The following PCLO variants were observed in gnomAD, a reference collection of about 807,000 sequenced individuals.
PCLO encodes the protein piccolo presynaptic cytomatrix protein.
PCLO carries 82 observed loss-of-function variants against 427.5 expected under a neutral mutation model. That is an observed-to-expected ratio of 0.19 (90% CI 0.16 to 0.23). The LOEUF is 0.23. Among genes scored for constraint, PCLO ranks in the 10% least tolerant of loss-of-function variants. PCLO has a pLI of 1.00. For synonymous variants in PCLO, 2,357 were observed against 2,155.4 expected (o/e 1.09, Z -2.59); for missense variants, 6,239 against 6,115.9 (o/e 1.02, Z -0.67).
chr7:82,960,578 T>G (rs1270864225), intron 4 of PCLO, among the ~76,000 whole-genome samples: 1 of 152,182 alleles, frequency 6.6e-6, no homozygotes, highest in Non-Finnish European at 1.5e-5. Flanking sequence ...AGTAAAAAGA[T>G]AAAATTCTAT....
intron 10 of PCLO, among the ~76,000 whole-genome samples, chr7:82,874,600 A>C (rs756637325): frequency 2.0e-5 from 3 of 152,200 alleles, no homozygotes; most frequent in African/African-American, 7.2e-5. Context: ...CTAAAATTGT[A>C]ATCAGTAGGT....
At chr7:82,926,261 G>A (rs986809242) in intron 6 of PCLO, among the ~76,000 whole-genome samples, 1 of 152,090 alleles carries the variant, frequency 6.6e-6, no homozygotes, top group Non-Finnish European at 1.5e-5. Context: ...ATAAGTAGCA[G>A]TATCATCACT....
intron 3 of PCLO, among the ~76,000 whole-genome samples, chr7:83,069,337 T>G (rs530122697): frequency 6.6e-6 from 1 of 152,224 alleles, no homozygotes; most frequent in African/African-American, 2.4e-5. Context: ...TTGAAAAAAA[T>G]CCACTCATAA....
At position 82,824,361 on chromosome 7, in the gene PCLO, G is replaced by A. The variant is rs1437232168; in HGVS notation, c.14471C>T (p.Pro4824Leu). 1 of 1,612,612 alleles carries A rather than the reference G, an allele frequency of 6.2e-7. No homozygotes were observed. Among genetic ancestry groups the A allele is most frequent in the Non-Finnish European group, 8.5e-7 (1 of 1,179,154 alleles). The change falls in exon 19 of 25, where the codon CCT becomes CTT. Residue 4824 changes from proline (P) to leucine (L), a missense_variant. Pro to Leu is a moderately conservative substitution (Grantham distance 98). Around this residue, in one of 5 missense-constraint regions of PCLO, gnomAD observed 877 missense variants for 925.5 expected, o/e 0.95. Transcript: ENST00000333891. Reference protein sequence around the residue: ...SHLDNTPRWYPLKEQTESIDH... With the variant: ...SHLDNTPRWYLLKEQTESIDH... ...AATGCTTTCAGTCTGTTCTTTGAGA[G>A]GATACCACCTTGGAGTGTTATCGAG...
At chr7:83,088,790 C>T (rs1790303380) in intron 3 of PCLO, among the ~76,000 whole-genome samples, 1 of 152,084 alleles carries the variant, frequency 6.6e-6, no homozygotes, top group Non-Finnish European at 1.5e-5. Context: ...TTGTGATGTC[C>T]TTACCACAGA....
chr7:82,821,827 T>C, intron 20 of PCLO: 2 of 981,894 alleles, frequency 2.0e-6, no homozygotes, highest in Non-Finnish European at 2.4e-6. Context: ...TGCTTATACA[T>C]ATATTAATTT....
chr7:82,779,676 C>A (rs1442487899), intron 22 of PCLO, among the ~76,000 whole-genome samples: 1 of 151,458 alleles, frequency 6.6e-6, no homozygotes, highest in Non-Finnish European at 1.5e-5. Context: ...AGGTTTACCA[C>A]CTCAATATTG....
At chr7:83,055,858 C>T (rs920554868) in intron 3 of PCLO, among the ~76,000 whole-genome samples, 14 of 151,968 alleles carry the variant, frequency 9.2e-5, no homozygotes, top group African/African-American at 3.4e-4. Flanking sequence ...TCTAAAAATG[C>T]TATTATTCTT....
intron 14 of PCLO, among the ~76,000 whole-genome samples, chr7:82,840,841 T>C (rs1005348189): frequency 1.3e-5 from 2 of 152,106 alleles, no homozygotes; most frequent in East Asian, 3.9e-4. Flanking sequence ...AAATTACTTC[T>C]TGGTATCACC....
At chr7:82,841,808 T>G (rs753793614) in intron 13 of PCLO, among the ~76,000 whole-genome samples, 19 of 152,098 alleles carry the variant, frequency 1.2e-4, no homozygotes, top group Non-Finnish European at 2.6e-4. Context: ...AAGCACTTAA[T>G]TAAAGTATCT....
At chr7:82,883,844 C>G (rs980951586) in intron 9 of PCLO, among the ~76,000 whole-genome samples, 7 of 152,146 alleles carry the variant, frequency 4.6e-5, no homozygotes, top group African/African-American at 1.4e-4. Flanking sequence ...GATCTTGGCC[C>G]ACTGCAACCT....
In PCLO at chr7:82,824,574, A is replaced by G. The variant is rs149894834; in HGVS notation, c.14416-158T>C. On this transcript the variant is annotated intron_variant, in intron 18 of 24. Transcript: ENST00000333891. Reference sequence around the variant, plus strand: ...CTTTCTTCCTCAGTTTTCTTCACCAATGATACTGGAAACAATGTCTTTTAC... The same window carrying G: ...CTTTCTTCCTCAGTTTTCTTCACCAGTGATACTGGAAACAATGTCTTTTAC... Among the ~76,000 whole-genome samples the G allele has an allele frequency of 6.2e-4, 92 of 149,410 alleles. 1 individual carries two copies. The highest frequency in any genetic ancestry group is 5.2e-3 in the South Asian group (24 of 4,600).
intron 6 of PCLO, among the ~76,000 whole-genome samples, chr7:82,931,643 A>G (rs1260236121): frequency 6.6e-6 from 1 of 152,046 alleles, no homozygotes; most frequent in Admixed American, 6.6e-5. Context: ...GTTACTTTCT[A>G]TGTGGACCTT....
chr7:82,783,216 C>T (rs910314247), intron 22 of PCLO, among the ~76,000 whole-genome samples: 1 of 152,300 alleles, frequency 6.6e-6, no homozygotes, highest in South Asian at 2.1e-4. Flanking sequence ...AGTATGGCCA[C>T]CAGTAAACAT....
Position 82,954,865 on chromosome 7 carries a change from C to A in PCLO, c.6088G>T (p.Val2030Phe). The change falls in exon 5 of 25, where the codon GTT becomes TTT. Residue 2030 changes from valine (V) to phenylalanine (F), a missense_variant. Val to Phe is a conservative substitution (Grantham distance 50, BLOSUM62 -1). This residue lies in a region of PCLO where 4,677 missense variants were observed against 4,468.4 expected (regional missense o/e 1.05). Transcript: ENST00000333891. ...TCTGGGATGATAAAAGAGCTTGAAACAATATCTTCCTGAGGCACAACAGAA... is the reference window on the plus strand; with the variant it reads ...TCTGGGATGATAAAAGAGCTTGAAAAAATATCTTCCTGAGGCACAACAGAA... Reference protein sequence around the residue: ...LHSVVPQEDIVSSSFIIPESH... With the variant: ...LHSVVPQEDIFSSSFIIPESH... The A allele has an allele frequency of 6.2e-7, 1 of 1,613,920 alleles. No homozygotes were observed. The highest frequency in any genetic ancestry group is 8.5e-7 in the Non-Finnish European group (1 of 1,179,854).
At chr7:82,811,380 C>G (rs1022255082) in intron 20 of PCLO, among the ~76,000 whole-genome samples, 1 of 151,384 alleles carries the variant, frequency 6.6e-6, no homozygotes, top group African/African-American at 2.4e-5. Flanking sequence ...TTCTTCCCTC[C>G]TCCTGTCTCT....
intron 6 of PCLO, among the ~76,000 whole-genome samples, chr7:82,924,782 C>T (rs1421258427): frequency 6.6e-6 from 1 of 151,778 alleles, no homozygotes; most frequent in South Asian, 2.1e-4. Flanking sequence ...ATTCAAGAAA[C>T]TCCTACTATC....
At chr7:83,030,129 AAAAAAG>A (rs1158238649) in intron 3 of PCLO, among the ~76,000 whole-genome samples, 5 of 145,580 alleles carry the variant, frequency 3.4e-5, no homozygotes, top group East Asian at 2.0e-4. Flanking sequence ...GAAAAAAAAA[AAAAAAG>A]AAAAGAAAAG....
rs1373685523 is a variant in PCLO, at chr7:82,954,695, G to A, written c.6258C>T (p.Pro2086=). The A allele has an allele frequency of 6.2e-7, 1 of 1,613,816 alleles. No homozygotes were observed. Among genetic ancestry groups the A allele is most frequent in the Non-Finnish European group, 8.5e-7 (1 of 1,179,802 alleles). Residue 2086 remains proline, a synonymous_variant, in exon 5 of 25, where the codon CCC becomes CCT. Coordinates refer to ENST00000333891, the MANE Select transcript of PCLO (RefSeq NM_033026.6). ...LTPGSSPTQA[P]IGEDMTESTM... ...TGGACTCTGTCATATCCTCACCAAT[G>A]GGGGCCTGGGTTGGGCTAGATCCAG...
Sources: allele counts gnomAD v4.1 joint callset (sites outside exome capture counted in the v4.1 genomes callset), GRCh38; gene constraint gnomAD v4.1.1; regional missense constraint gnomAD v4.1.1; transcripts MANE v1.5; gene names NCBI Gene and HGNC (gene_info 2026-07-23, HGNC 2026-07-21).